ELMO1: variants seen among roughly 807,000 people sequenced by gnomAD.
The protein encoded by ELMO1 is engulfment and cell motility protein 1.
In ELMO1, 26 loss-of-function variants were observed where a neutral mutation model predicts 98.9. The observed-to-expected ratio is 0.26, with a 90% CI of 0.19 to 0.36. ELMO1 has a LOEUF of 0.36. ELMO1 is among the 10% of genes least tolerant of loss of function. The pLI is 1.00. For synonymous variants in ELMO1, 346 were observed against 346.0 expected, an observed-to-expected ratio of 1.00 and a Z score of 0.00; for missense variants, 627 against 935.2, an observed-to-expected ratio of 0.67 and a Z score of 4.30.
chr7:37,436,765 C>A (rs1166872794), intron 1 of ELMO1, among the ~76,000 whole-genome samples: 1 of 152,174 alleles, frequency 6.6e-6, no homozygotes. Flanking sequence ...CAGGTGGCTT[C>A]CACTTAGGTG....
chr7:37,171,483 A>ATTTTTTTTTTTTTTTT (rs71780142), intron 13 of ELMO1, among the ~76,000 whole-genome samples: 2 of 82,944 alleles, frequency 2.4e-5, no homozygotes, highest in Non-Finnish European at 4.5e-5. Flanking sequence ...AGGCCTTTCT[A>ATTTTTTTTTTTTTTTT]TTTTTTTTTT....
intron 1 of ELMO1, among the ~76,000 whole-genome samples, chr7:37,406,291 T>G: frequency 6.6e-6 from 1 of 151,686 alleles, no homozygotes; most frequent in Non-Finnish European, 1.5e-5. Flanking sequence ...TCTCTTTGTA[T>G]ATATTCCACC....
At chr7:37,297,932 A>G (rs1798127673) in intron 4 of ELMO1, among the ~76,000 whole-genome samples, 3 of 152,214 alleles carry the variant, frequency 2.0e-5, no homozygotes. Flanking sequence ...ATACTTCTAG[A>G]CTTAAATATG....
intron 16 of ELMO1, among the ~76,000 whole-genome samples, chr7:36,949,658 C>A (rs1455143803): frequency 6.6e-6 from 1 of 151,982 alleles, no homozygotes. Context: ...GTCAGTGGCC[C>A]CCCACCCCCA....
intron 4 of ELMO1, among the ~76,000 whole-genome samples, chr7:37,301,772 A>T (rs1477691276): frequency 6.6e-6 from 1 of 152,130 alleles, no homozygotes; most frequent in South Asian, 2.1e-4. Flanking sequence ...CAAAGTGCCA[A>T]ATAAACTCCC....
chr7:37,103,529 G>A (rs1470082630), intron 14 of ELMO1, among the ~76,000 whole-genome samples: 1 of 111,060 alleles, frequency 9.0e-6, no homozygotes, highest in African/African-American at 3.5e-5. Context: ...TGGGGTGGGG[G>A]GAGGGGGGAG....
At chr7:36,882,679 T>C (rs952906023) in intron 18 of ELMO1, among the ~76,000 whole-genome samples, 1 of 152,218 alleles carries the variant, frequency 6.6e-6, no homozygotes, top group African/African-American at 2.4e-5. Context: ...CTTGGCCTAA[T>C]TGTAAAAACT....
At chr7:37,066,105 G>GT (rs748838580) in intron 15 of ELMO1, among the ~76,000 whole-genome samples, 10 of 152,156 alleles carry the variant, frequency 6.6e-5, no homozygotes, top group Non-Finnish European at 1.2e-4. Flanking sequence ...AGCCATGACT[G>GT]TGAGACCTCC....
At chr7:37,184,393 G>C (rs544350194) in intron 13 of ELMO1, among the ~76,000 whole-genome samples, 18 of 152,270 alleles carry the variant, frequency 1.2e-4, no homozygotes, top group Admixed American at 7.2e-4. Flanking sequence ...ACACGGTTTA[G>C]GGGCACCCTC....
chr7:37,317,955 T>C (rs1799287524), intron 2 of ELMO1, among the ~76,000 whole-genome samples: 1 of 152,140 alleles, frequency 6.6e-6, no homozygotes, highest in Non-Finnish European at 1.5e-5. Context: ...ATATACCTAC[T>C]AAGTACGCAC....
At chr7:37,037,055 G>T (rs1309594829) in intron 15 of ELMO1, among the ~76,000 whole-genome samples, 1 of 151,998 alleles carries the variant, frequency 6.6e-6, no homozygotes, top group Non-Finnish European at 1.5e-5. Flanking sequence ...AATACCATGG[G>T]GTTACTACAG....
chr7:37,190,340 A>G (rs1043333722), intron 13 of ELMO1, among the ~76,000 whole-genome samples: 1 of 152,238 alleles, frequency 6.6e-6, no homozygotes, highest in African/African-American at 2.4e-5. Flanking sequence ...AGAAGTCTCA[A>G]CATGCTTTCT....
At chr7:37,225,972 A>G (rs1793853339) in intron 8 of ELMO1, among the ~76,000 whole-genome samples, 1 of 152,144 alleles carries the variant, frequency 6.6e-6, no homozygotes, top group African/African-American at 2.4e-5. Flanking sequence ...CCCCCCTGTC[A>G]ACACTAATTT....
rs1796535332 is a variant in ELMO1, at chr7:37,059,033, T to C, written c.1300+37586A>G. ...CTCAGGATGTCCCACTCGGGCCACCTGAGGCAAGGAAAGGTCTCCCTGTGG... is the reference window on the plus strand; with the variant it reads ...CTCAGGATGTCCCACTCGGGCCACCCGAGGCAAGGAAAGGTCTCCCTGTGG... On this transcript the variant is annotated intron_variant, in intron 15 of 21. Transcript: ENST00000310758. Among the ~76,000 whole-genome samples, 5 of 152,266 alleles carry C rather than the reference T, an allele frequency of 3.3e-5. No individual in the cohort carries two copies. The South Asian group carries it at 1.0e-3, about 32-fold the overall frequency.
rs1033932075 is a variant in ELMO1 at position 36,853,995 on chromosome 7, T to G, written c.*1556A>C. On this transcript the variant is annotated 3_prime_UTR_variant, in exon 22 of 22. Coordinates refer to ENST00000310758, the MANE Select transcript of ELMO1 (RefSeq NM_014800.11). ...TAAATGTGCTCCCTCAAAGTTGTGA[T>G]GTCTTTAATTAGACCCATTCTATAA... is the stretch of plus-strand genomic sequence containing the variant. Among the ~76,000 whole-genome samples, 2 of 152,258 alleles carry G rather than the reference T, an allele frequency of 1.3e-5. No homozygotes were observed. The highest frequency in any genetic ancestry group is 4.8e-5 in the African/African-American group (2 of 41,480).
chr7:36,860,319 T>C (rs1802525366), intron 21 of ELMO1, among the ~76,000 whole-genome samples: 1 of 152,210 alleles, frequency 6.6e-6, no homozygotes, highest in African/African-American at 2.4e-5. Flanking sequence ...TGTTGAGGTA[T>C]TCAGTTCTGG....
intron 16 of ELMO1, among the ~76,000 whole-genome samples, chr7:36,910,183 G>A (rs1304166694): frequency 6.6e-6 from 1 of 152,196 alleles, no homozygotes; most frequent in Admixed American, 6.5e-5. Flanking sequence ...GGACTTTAGA[G>A]GTCCGGTTGA....
chr7:36,953,839 TTGTGTGTGTGTGTGTGTGTGTGTGTGTG>T (rs10522376), intron 16 of ELMO1, among the ~76,000 whole-genome samples: 279 of 136,276 alleles, frequency 2.0e-3, no homozygotes, highest in African/African-American at 6.5e-3. Context: ...TGGGTATGTT[TTGTGTGTGTGTGTGTGTGTGTGTGTGTG>T]TGTGTGTGTG....
chr7:37,288,157 A>G (rs1200531529), intron 4 of ELMO1, among the ~76,000 whole-genome samples: 1 of 150,940 alleles, frequency 6.6e-6, no homozygotes, highest in Non-Finnish European at 1.5e-5. Flanking sequence ...ACAGGGTTTC[A>G]CCATGTTGGC....
Sources: gnomAD v4.1 joint callset for allele counts (sites outside exome capture counted in the v4.1 genomes callset) on GRCh38, gnomAD v4.1.1 for gene constraint, MANE v1.5 for transcripts, NCBI Gene and HGNC (gene_info 2026-07-23, HGNC 2026-07-21) for gene names.